The following MRC1 variants were observed in gnomAD, a reference collection of about 807,000 sequenced individuals.
MRC1 encodes the protein mannose receptor C-type 1.
In MRC1, 62 loss-of-function variants were observed where a neutral mutation model predicts 102.9. The ratio of observed to expected loss-of-function variants is 0.60; its 90% CI spans 0.49 to 0.74. The LOEUF (loss-of-function observed/expected upper bound fraction) is 0.74, where lower values mean the gene tolerates loss of function less well. MRC1 is among the 30% of genes least tolerant of loss of function. The pLI, the probability that MRC1 is intolerant of heterozygous loss-of-function variation, is 0.00. For synonymous variants in MRC1, 457 were observed against 298.4 expected, an observed-to-expected ratio of 1.53 and a Z score of -5.48; for missense variants, 1,237 against 862.8, an observed-to-expected ratio of 1.43 and a Z score of -5.43.
At chr10:17,820,654 G>T (rs912844544) in intron 1 of MRC1, among the ~76,000 whole-genome samples, 9 of 151,908 alleles carry the variant, frequency 5.9e-5, no homozygotes, top group Non-Finnish European at 1.5e-5. Context: ...ACTAAGCAAA[G>T]CTATCTGAAA....
rs1833780416 is a variant in MRC1, at chr10:17,898,133, A to G, written c.3350A>G (p.His1117Arg). The G allele has an allele frequency of 5.1e-6, 4 of 780,790 alleles. No individual in the cohort carries two copies. Among genetic ancestry groups the G allele is most frequent in the East Asian group, 4.8e-5 (2 of 41,264 alleles). 48.4% of individuals were successfully genotyped at this position (780,790 alleles called of 1,614,324 possible). Residue 1117 changes from histidine to arginine, a missense_variant, in exon 24 of 30, where the codon CAT becomes CGT. Physicochemically the swap from His to Arg is conservative, Grantham distance 29. Coordinates refer to ENST00000569591, the MANE Select transcript of MRC1 (RefSeq NM_002438.4). The part of the protein sequence containing the change: ...YSLMRQKFQW[H>R]EAETYCKLHN... The stretch of plus-strand genomic sequence containing the variant: ...CTCATGAGACAAAAATTTCAATGGC[A>G]TGAAGCGGAGACATACTGCAAGCTT...
chr10:17,886,970 C>A (rs1833606494), intron 22 of MRC1, among the ~76,000 whole-genome samples: 1 of 151,960 alleles, frequency 6.6e-6, no homozygotes, highest in Non-Finnish European at 1.5e-5. Context: ...GCAACAACAA[C>A]AAAAAAAGCA....
At chr10:17,871,618 T>C (rs1241401687) in intron 14 of MRC1, among the ~76,000 whole-genome samples, 2 of 152,348 alleles carry the variant, frequency 1.3e-5, no homozygotes, top group Middle Eastern at 3.4e-3. Flanking sequence ...CACTGAAATA[T>C]TATCCTTTCC....
At chr10:17,834,245 GA>G (rs1434573885) in intron 4 of MRC1, among the ~76,000 whole-genome samples, 2 of 152,136 alleles carry the variant, frequency 1.3e-5, no homozygotes, top group Non-Finnish European at 2.9e-5. Flanking sequence ...TAAATTAAAA[GA>G]CTGCTACCAC....
intron 5 of MRC1, among the ~76,000 whole-genome samples, chr10:17,844,793 G>A (rs921311539): frequency 2.2e-4 from 34 of 151,974 alleles, no homozygotes; most frequent in Non-Finnish European, 4.6e-4. Context: ...ATGAGTACTC[G>A]GTATTTAGCT....
At chr10:17,884,800 C>G (rs1035018381) in intron 21 of MRC1, among the ~76,000 whole-genome samples, 6 of 152,190 alleles carry the variant, frequency 3.9e-5, no homozygotes, top group African/African-American at 1.4e-4. Flanking sequence ...TATCAACAGC[C>G]TAATGATTCT....
chr10:17,875,680 G>C (rs1040954614), intron 17 of MRC1, among the ~76,000 whole-genome samples: 66 of 152,242 alleles, frequency 4.3e-4, no homozygotes, highest in African/African-American at 1.4e-3. Flanking sequence ...GGGCATTTAG[G>C]CTGGTTCCAT....
At chr10:17,865,794 G>C (rs1833258030) in intron 11 of MRC1, among the ~76,000 whole-genome samples, 1 of 152,266 alleles carries the variant, frequency 6.6e-6, no homozygotes, top group African/African-American at 2.4e-5. Flanking sequence ...GGGAATCAGA[G>C]ATTTCAGAGA....
chr10:17,853,246 A>C, intron 8 of MRC1, 122 bp downstream of exon 8: 1 of 709,452 alleles, frequency 1.4e-6, no homozygotes, highest in Middle Eastern at 3.6e-4. Flanking sequence ...GCATGGATCA[A>C]AGGTGAACCA....
chr10:17,861,627 A>G (rs1833185283), intron 10 of MRC1, 125 bp downstream of exon 10: 3 of 632,586 alleles, frequency 4.7e-6, no homozygotes, highest in Non-Finnish European at 8.6e-6. Flanking sequence ...TTGTAAAGAT[A>G]GAAGCATTAA....
rs1838401736 is a variant in MRC1 at position 17,821,894 on chromosome 10, T to A, written c.62-1180T>A. Among the ~76,000 whole-genome samples the A allele has an allele frequency of 3.3e-5, 5 of 152,310 alleles. No homozygotes were observed. The South Asian group carries it at 1.0e-3, about 32-fold the overall frequency. On this transcript the variant is annotated intron_variant, in intron 1 of 29. Coordinates refer to ENST00000569591, the MANE Select transcript of MRC1 (RefSeq NM_002438.4). ...ACCAGCTCATTTTGAAAGAACAAGG[T>A]GAATGCATGGAATTTAGGAAAATTT...
intron 9 of MRC1, among the ~76,000 whole-genome samples, chr10:17,860,667 A>T (rs1833171317): frequency 1.3e-5 from 2 of 152,166 alleles, no homozygotes; most frequent in Admixed American, 6.5e-5. Flanking sequence ...TGACCAAATG[A>T]TGTAGCTTTA....
intron 10 of MRC1, among the ~76,000 whole-genome samples, chr10:17,862,258 C>T (rs1220093373): frequency 1.3e-5 from 2 of 152,114 alleles, no homozygotes; most frequent in African/African-American, 4.8e-5. Flanking sequence ...GATGTCATAA[C>T]ATTTCATAGT....
chr10:17,845,236 A>C (rs1480388174), intron 5 of MRC1, 53 bp from the exon 6 acceptor site: 5 of 780,592 alleles, frequency 6.4e-6, no homozygotes, highest in Non-Finnish European at 1.2e-5. Flanking sequence ...GAGGGATGCT[A>C]TCTGCTGGGA....
At chr10:17,902,790 G>T (rs2130719927) in intron 26 of MRC1, among the ~76,000 whole-genome samples, 1 of 152,270 alleles carries the variant, frequency 6.6e-6, no homozygotes, top group Non-Finnish European at 1.5e-5. Context: ...TGAGTGAGAT[G>T]AAGTTTGCTT....
chr10:17,831,191 G>C lies in MRC1; in HGVS notation c.638-2484G>C, dbSNP rs936955178. Among the ~76,000 whole-genome samples, 1,096 of 150,742 alleles carry C rather than the reference G, an allele frequency of 7.3e-3. 12 individuals are homozygous for C. Among genetic ancestry groups the C allele is most frequent in the Non-Finnish European group, 0.012 (782 of 67,936 alleles). On this transcript the variant is annotated intron_variant, in intron 3 of 29. Transcript: ENST00000569591. ...ATTGCAGTCGTGAGCCATGGCGCCC[G>C]CATTTTCTACCATATTATAAACAAA... is the stretch of plus-strand genomic sequence containing the variant.
intron 22 of MRC1, among the ~76,000 whole-genome samples, chr10:17,891,129 A>AGTTT (rs1369409067): frequency 7.1e-6 from 1 of 141,684 alleles, no homozygotes; most frequent in Non-Finnish European, 1.5e-5. Context: ...TTGTATCACT[A>AGTTT]GTTTTATTTA....
chr10:17,886,954 G>A (rs1380879026), intron 22 of MRC1, among the ~76,000 whole-genome samples: 2 of 145,398 alleles, frequency 1.4e-5, no homozygotes, highest in South Asian at 4.4e-4. Flanking sequence ...GAACTTTGTC[G>A]AATAAGCAAC....
chr10:17,824,926 A>G (rs1276513829), intron 2 of MRC1, among the ~76,000 whole-genome samples: 2 of 152,138 alleles, frequency 1.3e-5, no homozygotes, highest in Non-Finnish European at 2.9e-5. Context: ...AATCACTTGG[A>G]AAGTTTGTTA....
Sources: allele counts gnomAD v4.1 joint callset (sites outside exome capture counted in the v4.1 genomes callset), GRCh38; gene constraint gnomAD v4.1.1; transcripts MANE v1.5; gene names NCBI Gene and HGNC (gene_info 2026-07-23, HGNC 2026-07-21).